The following TEX2 variants were observed in gnomAD, a reference collection of about 807,000 sequenced individuals.
TEX2 encodes testis expressed 2.
In TEX2, 53 loss-of-function variants were observed where a neutral mutation model predicts 106.9. The observed-to-expected ratio is 0.50, with a 90% CI of 0.40 to 0.62. TEX2 has a LOEUF of 0.62. Ranked by LOEUF, TEX2 falls within the 20% of genes least tolerant of loss-of-function variation. The pLI, the probability that TEX2 is intolerant of heterozygous loss-of-function variation, is 0.00. For missense variants in TEX2, 1,207 were observed against 1,379.0 expected (o/e 0.88, Z 1.98); for synonymous variants, 523 against 534.8 (o/e 0.98, Z 0.30).
At position 64,148,727 on chromosome 17, in the gene TEX2, A is replaced by G. The variant is rs1224640346; in HGVS notation, c.*242T>C. The G allele has an allele frequency of 1.7e-5, 8 of 484,398 alleles. No homozygotes were observed. Among genetic ancestry groups the G allele is most frequent in the Admixed American group, 1.5e-4 (4 of 26,758 alleles). The allele number at this position is 484,398 out of a possible 1,614,324, so 30.0% of individuals were successfully genotyped here. ...GTCACGTATAACTTCTGGATCCACC[A>G]TGATTCTTCCATGGTCTCCTTTGCC... On this transcript the variant is annotated 3_prime_UTR_variant, in exon 12 of 12. Coordinates refer to ENST00000584379, the MANE Select transcript of TEX2 (RefSeq NM_001288732.2).
At chr17:64,239,055 T>A (rs1019685491) in intron 1 of TEX2, 1 of 152,348 alleles carries the variant, frequency 6.6e-6, no homozygotes, top group Non-Finnish European at 1.5e-5. Flanking sequence ...TTCCATTTTC[T>A]GAATAAGGAA....
At chr17:64,257,615 G>A (rs1157904619) in intron 1 of TEX2, among the ~76,000 whole-genome samples, 2 of 152,168 alleles carry the variant, frequency 1.3e-5, no homozygotes, top group African/African-American at 4.8e-5. Context: ...CGCCGTAGGC[G>A]CTACCTACTC....
intron 1 of TEX2, among the ~76,000 whole-genome samples, chr17:64,219,246 C>T (rs1324205297): frequency 6.6e-6 from 1 of 152,138 alleles, no homozygotes; most frequent in Non-Finnish European, 1.5e-5. Flanking sequence ...TGGCTCACGC[C>T]TGTAATCCCA....
rs2031659948 is a variant in TEX2, at chr17:64,177,435, C to T, written c.2461G>A (p.Glu821Lys). The T allele has an allele frequency of 3.7e-6, 6 of 1,614,174 alleles. No homozygotes were observed. In the South Asian group the frequency reaches 4.4e-5, roughly 12 times the overall value. The change falls in exon 6 of 12, where the codon GAA (glutamate) becomes AAA (lysine). Residue 821 changes from glutamate (E) to lysine (K), a missense_variant. Transcript: ENST00000584379. ...EVPPSEEEEQ[E>K]AWVNALLGRI... ...CCAAGCAAGGCATTCACCCAGGCTTCCTGTTCTTCCTCCTCAGAGGGTGGA... is the reference window on the plus strand; with the variant it reads ...CCAAGCAAGGCATTCACCCAGGCTTTCTGTTCTTCCTCCTCAGAGGGTGGA...
intron 5 of TEX2, 108 bp from the exon 6 acceptor site, chr17:64,177,579 C>G: frequency 8.6e-7 from 1 of 1,158,530 alleles, no homozygotes. Flanking sequence ...AACAGGAGAC[C>G]ACACGAGTCA....
Position 64,174,351 on chromosome 17 carries a change from G to A in TEX2, c.2571+2974C>T, listed in dbSNP as rs2031535948. ...CCTGAAGGACCTGGGGACTGAGGAGGACTTGGCAGGGGAAGGTGTCTACCT... is the reference window on the plus strand; with the variant it reads ...CCTGAAGGACCTGGGGACTGAGGAGAACTTGGCAGGGGAAGGTGTCTACCT... On this transcript the variant is annotated intron_variant, in intron 6 of 11. Transcript: ENST00000584379. 8.2e-5 allele frequency among the ~76,000 whole-genome samples: 10 copies of A among 121,700 alleles called. No individual in the cohort carries two copies. In the Admixed American group the frequency reaches 9.3e-4, roughly 11 times the overall value. The allele number at this position is 121,700 out of a possible 152,430, so 79.8% of individuals were successfully genotyped here.
At chr17:64,252,914 C>A (rs2034118096) in intron 1 of TEX2, among the ~76,000 whole-genome samples, 1 of 152,068 alleles carries the variant, frequency 6.6e-6, no homozygotes, top group Non-Finnish European at 1.5e-5. Flanking sequence ...CTGTTTCCTG[C>A]AGAGGGTTCA....
chr17:64,194,540 A>G (rs1455269734), intron 3 of TEX2, among the ~76,000 whole-genome samples: 1 of 152,214 alleles, frequency 6.6e-6, no homozygotes, highest in Non-Finnish European at 1.5e-5. Context: ...ATCACCACAC[A>G]TAGCCACACA....
chr17:64,152,365 CA>C lies in TEX2; in HGVS notation c.3140+579del, dbSNP rs532492754. Among the ~76,000 whole-genome samples the C allele has an allele frequency of 6.6e-5, 10 of 152,286 alleles. No individual in the cohort carries two copies. The South Asian group carries it at 2.1e-3, about 32-fold the overall frequency. ...GGGCCAGGCATAGCTATATTTTTAG[CA>C]AGTCCCCAGGTGATTTTAACATGCA... On this transcript the variant is annotated intron_variant, in intron 10 of 11. Coordinates refer to ENST00000584379, the MANE Select transcript of TEX2 (RefSeq NM_001288732.2).
chr17:64,173,104 A>T (rs2031481114), intron 6 of TEX2, among the ~76,000 whole-genome samples: 2 of 152,078 alleles, frequency 1.3e-5, no homozygotes. Flanking sequence ...TGCCCTACTA[A>T]TCTGTTCCGC....
chr17:64,165,715 G>A (rs1183181966), intron 7 of TEX2, among the ~76,000 whole-genome samples: 1 of 152,182 alleles, frequency 6.6e-6, no homozygotes, highest in Non-Finnish European at 1.5e-5. Flanking sequence ...CAGGCACACA[G>A]GTAGTGGATC....
chr17:64,256,370 T>A (rs1047743681), intron 1 of TEX2, among the ~76,000 whole-genome samples: 4 of 152,108 alleles, frequency 2.6e-5, no homozygotes, highest in Admixed American at 2.0e-4. Flanking sequence ...CCTTGAGCAG[T>A]GTCTGGTTCC....
At position 64,212,792 on chromosome 17, in the gene TEX2, A is replaced by T; in HGVS notation, c.1426T>A (p.Leu476Met). The T allele has an allele frequency of 1.9e-6, 3 of 1,614,028 alleles. No individual in the cohort carries two copies. Among genetic ancestry groups the T allele is most frequent in the South Asian group, 2.2e-5 (2 of 91,076 alleles). Residue 476 changes from leucine (L) to methionine (M), a missense_variant, in exon 2 of 12, where the codon TTG becomes ATG. Physicochemically the swap from Leu to Met is conservative, Grantham distance 15 (BLOSUM62 2). This residue lies in a region of TEX2 where 1,067 missense variants were observed against 1,193.6 expected (regional missense o/e 0.89). Transcript: ENST00000584379. ...TAGACACACATTATAAAGAAGCCCA[A>T]CGTCTTCACTGGCAATTCCGGGTGC... ...VQHPELPVKT[L>M]GFFIMCVYVY...
chr17:64,171,107 A>T lies in TEX2; in HGVS notation c.2664T>A (p.Asp888Glu). 1 of 1,613,882 alleles carries T rather than the reference A, an allele frequency of 6.2e-7. No homozygotes were observed. The change falls in exon 7 of 12, where the codon GAT (aspartate) becomes GAA (glutamate). Residue 888 changes from aspartate to glutamate, a missense_variant. Around this residue, in one of 3 missense-constraint regions of TEX2, gnomAD observed 1,067 missense variants for 1,193.6 expected, o/e 0.89. Coordinates refer to ENST00000584379, the MANE Select transcript of TEX2 (RefSeq NM_001288732.2). ...KILQAFKPYV[D>E]HQGLWIDLEM... ...TGGTCAGTTAGGAGTTACCTTGGTGATCAACGTAAGGCTTGAAGGCCTGGA... is the reference window on the plus strand; with the variant it reads ...TGGTCAGTTAGGAGTTACCTTGGTGTTCAACGTAAGGCTTGAAGGCCTGGA...
chr17:64,167,027 G>C (rs1217417867), intron 7 of TEX2, among the ~76,000 whole-genome samples: 1 of 152,190 alleles, frequency 6.6e-6, no homozygotes, highest in African/African-American at 2.4e-5. Context: ...AGGCGTCAGA[G>C]CTGAGGCAGG....
chr17:64,251,856 G>C (rs1243058950), intron 1 of TEX2, among the ~76,000 whole-genome samples: 1 of 152,098 alleles, frequency 6.6e-6, no homozygotes, highest in Non-Finnish European at 1.5e-5. Context: ...GTAGTACCAG[G>C]GTCTACTCAG....
chr17:64,158,081 A>G (rs1162577925), intron 8 of TEX2, among the ~76,000 whole-genome samples: 1 of 152,254 alleles, frequency 6.6e-6, no homozygotes, highest in Non-Finnish European at 1.5e-5. Context: ...TGTTACCTGC[A>G]GTGTGCGACA....
intron 2 of TEX2, among the ~76,000 whole-genome samples, chr17:64,206,550 CTTTTTTTTTTTTTT>C (rs60956243): frequency 1.3e-5 from 1 of 77,190 alleles, no homozygotes; most frequent in South Asian, 4.8e-4. Flanking sequence ...AGAGGTCTTA[CTTTTTTTTTTTTTT>C]TTTTTTTTTT....
chr17:64,244,333 G>A (rs902845090), intron 1 of TEX2, among the ~76,000 whole-genome samples: 4 of 152,074 alleles, frequency 2.6e-5, no homozygotes, highest in African/African-American at 4.8e-5. Context: ...GGACCTCACC[G>A]CTCAAACAGC....
Sources: allele counts gnomAD v4.1 joint callset (sites outside exome capture counted in the v4.1 genomes callset), GRCh38; gene constraint gnomAD v4.1.1; regional missense constraint gnomAD v4.1.1; transcripts MANE v1.5; gene names NCBI Gene and HGNC (gene_info 2026-07-23, HGNC 2026-07-21).